The following CFAP68 variants were observed in gnomAD, a reference collection of about 807,000 sequenced individuals.
The protein encoded by CFAP68 is cilia- and flagella-associated protein 68.
At chr11:111,881,701 T>C in the CFAP68 span, 1 of 1,402,352 alleles carries the variant, frequency 7.1e-7, no homozygotes, top group East Asian at 2.5e-5. Context: ...AAAAATGAAA[T>C]CAGACATTGA....
chr11:111,879,626 C>A, the CFAP68 span: 4 of 1,608,410 alleles, frequency 2.5e-6, no homozygotes, highest in Non-Finnish European at 3.4e-6. Context: ...CTCCTATCTT[C>A]TATTCGTTCA....
the CFAP68 span, among the ~76,000 whole-genome samples, chr11:111,880,401 A>G: frequency 7.2e-5 from 11 of 152,216 alleles, no homozygotes; most frequent in Admixed American, 3.3e-4. Context: ...TAGTCACAGG[A>G]TGAGATAGCT....
At chr11:111,880,806 C>T in the CFAP68 span, 1 of 456,170 alleles carries the variant, frequency 2.2e-6, no homozygotes, top group Non-Finnish European at 4.4e-6. Flanking sequence ...GGACCCCTTC[C>T]GGTAACAAGA....
At chr11:111,883,951 G>C in the CFAP68 span, 1 of 1,139,258 alleles carries the variant, frequency 8.8e-7, no homozygotes, top group Non-Finnish European at 1.3e-6. Context: ...TCTAAGAAAT[G>C]ATAAGATACT....
At chr11:111,883,300 A>AT in the CFAP68 span, 1 of 1,094,280 alleles carries the variant, frequency 9.1e-7, no homozygotes, top group East Asian at 2.6e-5. Context: ...GAATAGGTGA[A>AT]TAAGTGAGGC....
chr11:111,885,371 A>G, the CFAP68 span: 4 of 152,204 alleles, frequency 2.6e-5, no homozygotes, highest in Admixed American at 6.5e-5. Flanking sequence ...AGGACTGTCA[A>G]TTGTCTACTC....
the CFAP68 span, chr11:111,884,122 T>C: frequency 2.7e-6 from 1 of 365,758 alleles, no homozygotes; most frequent in South Asian, 3.9e-5. Context: ...GATTTAAATG[T>C]CAAATTTAAT....
At chr11:111,881,313 C>T in the CFAP68 span, 1 of 1,442,514 alleles carries the variant, frequency 6.9e-7, no homozygotes, top group South Asian at 1.5e-5. Context: ...AACATCAGTG[C>T]ATGCATCTGT....
the CFAP68 span, chr11:111,885,302 A>G: frequency 6.6e-6 from 1 of 152,154 alleles, no homozygotes; most frequent in Non-Finnish European, 1.5e-5. Context: ...ACATAGCAAG[A>G]CCCCATCTCT....
the CFAP68 span, chr11:111,883,843 A>G: frequency 6.2e-7 from 1 of 1,613,130 alleles, no homozygotes; most frequent in South Asian, 1.1e-5. Context: ...AAATGCACAG[A>G]AAAGTCAACT....
chr11:111,881,654 TG>T, the CFAP68 span: 1 of 1,491,476 alleles, frequency 6.7e-7, no homozygotes, highest in Non-Finnish European at 8.9e-7. Context: ...ACTCACATTT[TG>T]GGGAAAAAGA....
At chr11:111,880,721 ACTTT>A in the CFAP68 span, 27 of 454,806 alleles carry the variant, frequency 5.9e-5, no homozygotes, top group Non-Finnish European at 4.9e-5. Flanking sequence ...TTATTCCTTT[ACTTT>A]CTTAATAAAC....
chr11:111,885,396 T>G, the CFAP68 span: 1 of 152,066 alleles, frequency 6.6e-6, no homozygotes. Flanking sequence ...CCAACAAAGG[T>G]CACTAAGGAA....
the CFAP68 span, chr11:111,882,445 G>A: frequency 6.2e-7 from 1 of 1,614,186 alleles, no homozygotes; most frequent in Admixed American, 1.7e-5. Flanking sequence ...GTGAAGTGTG[G>A]ACAGATTGGA....
the CFAP68 span, among the ~76,000 whole-genome samples, chr11:111,880,316 C>T: frequency 1.6e-4 from 25 of 152,322 alleles, no homozygotes; most frequent in African/African-American, 5.1e-4. Context: ...TATACCAGAG[C>T]AACTCCGTCT....
At chr11:111,883,430 A>C in the CFAP68 span, among the ~76,000 whole-genome samples, 1 of 151,930 alleles carries the variant, frequency 6.6e-6, no homozygotes, top group Admixed American at 6.6e-5. Context: ...TCTCTACTAA[A>C]AAAAATACAA....
the CFAP68 span, among the ~76,000 whole-genome samples, chr11:111,880,197 C>T: frequency 1.1e-4 from 16 of 152,164 alleles, no homozygotes; most frequent in Non-Finnish European, 2.1e-4. Flanking sequence ...CCACACCACC[C>T]GCCCTCCCCA....
At chr11:111,879,730 C>G in the CFAP68 span, 26 of 1,077,592 alleles carry the variant, frequency 2.4e-5, no homozygotes, top group Non-Finnish European at 3.1e-5. Context: ...TTTCAATGAG[C>G]CTGCAGTCTG....
At chr11:111,881,193 T>C in the CFAP68 span, 1 of 1,296,598 alleles carries the variant, frequency 7.7e-7, no homozygotes, top group Non-Finnish European at 9.8e-7. Context: ...GAGTGGATGG[T>C]GATGTCTGTC....
Sources: gnomAD v4.1 joint callset for allele counts (sites outside exome capture counted in the v4.1 genomes callset) on GRCh38, gnomAD v4.1.1 for gene constraint, MANE v1.5 for transcripts, NCBI Gene and HGNC (gene_info 2026-07-23, HGNC 2026-07-21) for gene names.